SLC44A3: variants seen among roughly 807,000 people sequenced by gnomAD.
SLC44A3 encodes the protein choline transporter-like protein 3.
In SLC44A3, 74 loss-of-function variants were observed where a neutral mutation model predicts 75.4. The observed-to-expected ratio is 0.98, with a 90% CI of 0.81 to 1.19. The LOEUF is 1.19. SLC44A3 is among the 50% of genes most tolerant of loss of function. The pLI, the probability that SLC44A3 is intolerant of heterozygous loss-of-function variation, is 0.00. For synonymous variants in SLC44A3, 310 were observed against 296.9 expected, an observed-to-expected ratio of 1.04 and a Z score of -0.45; for missense variants, 700 against 778.6, an observed-to-expected ratio of 0.90 and a Z score of 1.20.
At position 94,894,835 on chromosome 1, in the gene SLC44A3, C is replaced by G; in HGVS notation, c.1875C>G (p.Ser625Arg). The change falls in exon 15 of 15, where the codon AGC (serine) becomes AGG (arginine). Residue 625 changes from serine to arginine, a missense_variant. By Grantham distance (110) the Ser-to-Arg change is moderately radical. Coordinates refer to ENST00000271227, the MANE Select transcript of SLC44A3 (RefSeq NM_001114106.3). ...TTTTTCAGAGTTTCGTAAAAAGGAG[C>G]AACAAATTAAACAATGCAAGGGCAC... is the stretch of plus-strand genomic sequence containing the variant. ...DQEFLSFVKR[S>R]NKLNNARAQQ... is the part of the protein sequence containing the mutation. 6.2e-7 allele frequency: 1 copy of G among 1,610,766 alleles called. No individual in the cohort carries two copies. Among genetic ancestry groups the G allele is most frequent in the African/African-American group, 1.3e-5 (1 of 74,752 alleles).
At chr1:94,860,136 A>G (rs1225167191) in intron 10 of SLC44A3, among the ~76,000 whole-genome samples, 1 of 152,236 alleles carries the variant, frequency 6.6e-6, no homozygotes, top group African/African-American at 2.4e-5. Flanking sequence ...AAACGGAGAC[A>G]ATGCAGGCTG....
chr1:94,868,632 G>A (rs767642232), intron 12 of SLC44A3, among the ~76,000 whole-genome samples: 5 of 152,030 alleles, frequency 3.3e-5, no homozygotes, highest in Non-Finnish European at 7.4e-5. Flanking sequence ...ATATCCAGAC[G>A]GCAACTTCAT....
chr1:94,870,444 G>T (rs1397460990), intron 12 of SLC44A3, among the ~76,000 whole-genome samples: 1 of 152,166 alleles, frequency 6.6e-6, no homozygotes, highest in Non-Finnish European at 1.5e-5. Flanking sequence ...TTAAGTGTTG[G>T]GATAGGGCTG....
chr1:94,892,458 G>A lies in SLC44A3; in HGVS notation c.1798G>A (p.Asp600Asn). The part of the protein sequence containing the change: ...LDALFLCFAV[D>N]LETNDGSSEK... The stretch of plus-strand genomic sequence containing the variant: ...TGCACTTTTCCTGTGTTTTGCTGTT[G>A]ATCTGGAAACAAATGATGGATCGTC... The change falls in exon 14 of 15, where the codon GAT (aspartate) becomes AAT (asparagine). Residue 600 changes from aspartate (D) to asparagine (N), a missense_variant. Asp to Asn is a conservative substitution (Grantham distance 23). Transcript: ENST00000271227. The A allele has an allele frequency of 6.2e-7, 1 of 1,614,136 alleles. No homozygotes were observed. Among genetic ancestry groups the A allele is most frequent in the East Asian group, 2.2e-5 (1 of 44,880 alleles).
At chr1:94,868,564 C>A (rs933893607) in intron 12 of SLC44A3, among the ~76,000 whole-genome samples, 2 of 152,144 alleles carry the variant, frequency 1.3e-5, no homozygotes, top group African/African-American at 4.8e-5. Flanking sequence ...TATAACAAGT[C>A]AGTCCAAACC....
chr1:94,866,788 A>G (rs1667214256), intron 11 of SLC44A3, among the ~76,000 whole-genome samples: 1 of 152,200 alleles, frequency 6.6e-6, no homozygotes, highest in Non-Finnish European at 1.5e-5. Context: ...TAAGCTATGC[A>G]CAAGTTCAAG....
At chr1:94,825,928 T>A (rs1441967543) in intron 3 of SLC44A3, 1 of 456,256 alleles carries the variant, frequency 2.2e-6, no homozygotes, top group Non-Finnish European at 4.4e-6. Flanking sequence ...CAACAAACAG[T>A]CATTCCTGGT....
In SLC44A3 at chr1:94,864,802, A is replaced by G. The variant is rs755239083; in HGVS notation, c.1298A>G (p.Tyr433Cys). ...TCGTCTCTCTCCATTCTCTTCTTCT[A>G]CCATCAAGGAACCGTTGTGAAAGGG... Reference protein sequence around the residue: ...ILSSLSILFFYHQGTVVKGSF... With the variant: ...ILSSLSILFFCHQGTVVKGSF... The change falls in exon 11 of 15, where the codon TAC (tyrosine) becomes TGC (cysteine). Residue 433 changes from tyrosine to cysteine, a missense_variant. By Grantham distance (194) the Tyr-to-Cys change is radical. Transcript: ENST00000271227. 1.1e-5 allele frequency: 18 copies of G among 1,613,984 alleles called. No individual in the cohort carries two copies. The East Asian group carries it at 3.8e-4, about 34-fold the overall frequency.
At chr1:94,884,132 G>C (rs561127172) in intron 12 of SLC44A3, among the ~76,000 whole-genome samples, 5 of 152,160 alleles carry the variant, frequency 3.3e-5, no homozygotes, top group African/African-American at 9.7e-5. Flanking sequence ...GACCCTGTTC[G>C]TGGCTTCATA....
At chr1:94,867,071 T>C (rs1395614894) in intron 11 of SLC44A3, among the ~76,000 whole-genome samples, 1 of 152,058 alleles carries the variant, frequency 6.6e-6, no homozygotes, top group Non-Finnish European at 1.5e-5. Context: ...CCAGAAGGCC[T>C]GCTTTTGTTT....
chr1:94,872,282 G>A (rs953740506), intron 12 of SLC44A3, among the ~76,000 whole-genome samples: 10 of 151,970 alleles, frequency 6.6e-5, no homozygotes, highest in Non-Finnish European at 1.2e-4. Context: ...TGTATTTTTA[G>A]TAGGGATGGG....
chr1:94,881,203 C>T (rs1263574235), intron 12 of SLC44A3, among the ~76,000 whole-genome samples: 4 of 152,206 alleles, frequency 2.6e-5, no homozygotes, highest in African/African-American at 2.4e-5. Context: ...ACCAGGCCTT[C>T]ACCAAGCAGC....
At chr1:94,885,396 C>G (rs994079576) in intron 12 of SLC44A3, among the ~76,000 whole-genome samples, 1 of 151,926 alleles carries the variant, frequency 6.6e-6, no homozygotes, top group Non-Finnish European at 1.5e-5. Flanking sequence ...GAAGTCTTTT[C>G]CAAGCAGCAA....
Position 94,864,786 on chromosome 1 carries a change from T to C in SLC44A3, c.1282T>C (p.Ser428Pro). ...PPDHPILSSL[S>P]ILFFYHQGTV... is the part of the protein sequence containing the mutation. ...TGATCATCCCATCCTTTCGTCTCTC[T>C]CCATTCTCTTCTTCTACCATCAAGG... Residue 428 changes from serine (S) to proline (P), a missense_variant, in exon 11 of 15, where the codon TCC becomes CCC. By Grantham distance (74) the Ser-to-Pro change is moderately conservative. Coordinates refer to ENST00000271227, the MANE Select transcript of SLC44A3 (RefSeq NM_001114106.3). 1.2e-6 allele frequency: 2 copies of C among 1,614,056 alleles called. No homozygotes were observed. The highest frequency in any genetic ancestry group is 1.7e-6 in the Non-Finnish European group (2 of 1,179,928).
intron 9 of SLC44A3, among the ~76,000 whole-genome samples, chr1:94,848,986 A>G (rs1444110161): frequency 1.3e-5 from 2 of 152,082 alleles, no homozygotes; most frequent in African/African-American, 4.8e-5. Flanking sequence ...GGAAGAGCCC[A>G]GGCCAGTGAA....
chr1:94,861,514 A>T (rs951938931), intron 10 of SLC44A3, among the ~76,000 whole-genome samples: 5 of 152,186 alleles, frequency 3.3e-5, no homozygotes, highest in Non-Finnish European at 5.9e-5. Context: ...TATTACTTTG[A>T]TTAAAAAAAA....
chr1:94,854,396 A>G (rs1042706263), intron 9 of SLC44A3, among the ~76,000 whole-genome samples: 3 of 152,198 alleles, frequency 2.0e-5, no homozygotes, highest in Non-Finnish European at 4.4e-5. Flanking sequence ...CTCACAATTC[A>G]GTGCTCTTCC....
chr1:94,837,223 G>A (rs758657003), intron 5 of SLC44A3, among the ~76,000 whole-genome samples: 35 of 152,258 alleles, frequency 2.3e-4, no homozygotes, highest in Admixed American at 3.9e-4. Flanking sequence ...TTTCTGTTAC[G>A]TAGGATGAAT....
chr1:94,826,775 T>C (rs548967589), intron 3 of SLC44A3, among the ~76,000 whole-genome samples: 1 of 151,974 alleles, frequency 6.6e-6, no homozygotes, highest in Non-Finnish European at 1.5e-5. Flanking sequence ...CTTTCTCCCA[T>C]CCCCAACAGG....
Sources: allele counts gnomAD v4.1 joint callset (sites outside exome capture counted in the v4.1 genomes callset), GRCh38; gene constraint gnomAD v4.1.1; transcripts MANE v1.5; gene names NCBI Gene and HGNC (gene_info 2026-07-23, HGNC 2026-07-21).